NALF1: variants seen among roughly 807,000 people sequenced by gnomAD.
The protein encoded by NALF1 is NALCN channel auxiliary factor 1.
NALF1 carries 3 observed loss-of-function variants against 48.4 expected under a neutral mutation model. The observed-to-expected ratio is 0.06, with a 90% CI of 0.03 to 0.16. The LOEUF (loss-of-function observed/expected upper bound fraction) is 0.16. Ranked by LOEUF, NALF1 falls within the 10% of genes least tolerant of loss-of-function variation. NALF1 has a pLI of 1.00. For missense variants in NALF1, 526 were observed against 571.5 expected, an observed-to-expected ratio of 0.92 and a Z score of 0.81; for synonymous variants, 262 against 245.7, an observed-to-expected ratio of 1.07 and a Z score of -0.62.
intron 1 of NALF1, among the ~76,000 whole-genome samples, chr13:107,602,328 A>G (rs1374096759): frequency 6.6e-6 from 1 of 152,210 alleles, no homozygotes; most frequent in Non-Finnish European, 1.5e-5. Flanking sequence ...TAAGCTATTT[A>G]GAGAGAAAAC....
Position 107,376,476 on chromosome 13 carries a change from T to C in NALF1, c.916-165721A>G, listed in dbSNP as rs146578887. Among the ~76,000 whole-genome samples the C allele has an allele frequency of 8.1e-4, 123 of 152,312 alleles. 2 individuals carry two copies. The highest frequency in any genetic ancestry group is 2.5e-3 in the African/African-American group (105 of 41,576). On this transcript the variant is annotated intron_variant, in intron 1 of 2. Transcript: ENST00000375915. ...CCTTGGAGCAAGCTCTGGTACATAA[T>C]TGGCTCTCAACAAATGCTGAATAAA...
chr13:107,559,225 C>T (rs1166140250), intron 1 of NALF1, among the ~76,000 whole-genome samples: 1 of 152,152 alleles, frequency 6.6e-6, no homozygotes, highest in African/African-American at 2.4e-5. Context: ...GAGAAAACTT[C>T]AGGGAGTAAC....
At chr13:107,171,532 C>G (rs544149667) in intron 2 of NALF1, among the ~76,000 whole-genome samples, 16 of 152,336 alleles carry the variant, frequency 1.1e-4, no homozygotes, top group Admixed American at 6.5e-4. Flanking sequence ...CTCTTGTTCT[C>G]TCTTCACTTT....
chr13:107,389,868 A>G (rs1334414245), intron 1 of NALF1, among the ~76,000 whole-genome samples: 1 of 152,216 alleles, frequency 6.6e-6, no homozygotes, highest in African/African-American at 2.4e-5. Context: ...TTGATGTGAC[A>G]GTTACTGCAA....
At position 107,866,691 on chromosome 13, in the gene NALF1, T is replaced by A; in HGVS notation, c.-95A>T. 1.0e-6 allele frequency: 1 copy of A among 993,128 alleles called. No individual in the cohort carries two copies. The highest frequency in any genetic ancestry group is 1.5e-6 in the Non-Finnish European group (1 of 672,284). The allele number at this position is 993,128 out of a possible 1,614,324, so 61.5% of individuals were successfully genotyped here. A position where few individuals can be genotyped will look rare whatever the true frequency, so the allele number is the denominator to read the frequency against. Reference sequence around the variant, plus strand: ...ATTGACTTAAAGGGTTTAATTTCCTTATCCCCTCCTCCCGTTTCTTCTCTC... The same window carrying A: ...ATTGACTTAAAGGGTTTAATTTCCTAATCCCCTCCTCCCGTTTCTTCTCTC... On this transcript the variant is annotated 5_prime_UTR_variant, in exon 1 of 3. Transcript: ENST00000375915. This position sits in a 1 kb window ranked among gnomAD's most constrained non-coding sequence, Gnocchi z 4.4.
At chr13:107,805,108 C>T (rs1258724439) in intron 1 of NALF1, among the ~76,000 whole-genome samples, 4 of 152,032 alleles carry the variant, frequency 2.6e-5, no homozygotes, top group Non-Finnish European at 5.9e-5. Flanking sequence ...TCAAGTCAAG[C>T]AACTAAAAAC....
intron 1 of NALF1, among the ~76,000 whole-genome samples, chr13:107,510,720 G>A (rs767005946): frequency 1.1e-4 from 17 of 152,222 alleles, no homozygotes; most frequent in Non-Finnish European, 1.8e-4. Context: ...GAACAGCAAC[G>A]CCAGACAAGG....
intron 1 of NALF1, among the ~76,000 whole-genome samples, chr13:107,712,593 A>T (rs986101016): frequency 6.6e-6 from 1 of 152,252 alleles, no homozygotes. Flanking sequence ...GCAGAAAAGC[A>T]GACCCATGAA....
chr13:107,420,462 TTCTCTC>T (rs72220865), intron 1 of NALF1, among the ~76,000 whole-genome samples: 1 of 152,138 alleles, frequency 6.6e-6, no homozygotes, highest in Non-Finnish European at 1.5e-5. Context: ...AAGTCAGATT[TTCTCTC>T]TCTCTAACTG....
intron 1 of NALF1, among the ~76,000 whole-genome samples, chr13:107,288,868 A>G (rs1327691733): frequency 6.6e-6 from 1 of 152,180 alleles, no homozygotes; most frequent in Admixed American, 6.5e-5. Flanking sequence ...GAAGCAAGCA[A>G]TGATGCAGCT....
At chr13:107,842,339 G>T (rs966062123) in intron 1 of NALF1, among the ~76,000 whole-genome samples, 2 of 152,080 alleles carry the variant, frequency 1.3e-5, no homozygotes, top group East Asian at 3.9e-4. Context: ...AAGAAATAGT[G>T]TGTTTATTAC....
At chr13:107,464,516 A>AT (rs200796400) in intron 1 of NALF1, among the ~76,000 whole-genome samples, 65 of 150,706 alleles carry the variant, frequency 4.3e-4, no homozygotes, top group African/African-American at 1.1e-3. Context: ...TGCAATACAA[A>AT]TTTTTTTTTT....
chr13:107,539,056 C>G (rs1876924186), intron 1 of NALF1, among the ~76,000 whole-genome samples: 2 of 149,956 alleles, frequency 1.3e-5, no homozygotes, highest in South Asian at 4.1e-4. Context: ...TAGTAAACAA[C>G]ACACATGTGA....
intron 1 of NALF1, among the ~76,000 whole-genome samples, chr13:107,592,896 T>C (rs1048939965): frequency 1.3e-5 from 2 of 151,914 alleles, no homozygotes; most frequent in African/African-American, 4.8e-5. Context: ...ACATTCTTTA[T>C]TTCTTTTTCC....
chr13:107,831,875 A>G (rs1255339007), intron 1 of NALF1, among the ~76,000 whole-genome samples: 1 of 152,218 alleles, frequency 6.6e-6, no homozygotes, highest in Admixed American at 6.5e-5. Flanking sequence ...TCATTTGATA[A>G]TAATGCAAAA....
chr13:107,396,291 T>C (rs1457149734), intron 1 of NALF1, among the ~76,000 whole-genome samples: 1 of 152,082 alleles, frequency 6.6e-6, no homozygotes, highest in Non-Finnish European at 1.5e-5. Context: ...AACATAAAAA[T>C]GTGAGAGAAC....
chr13:107,841,065 A>G lies in NALF1; in HGVS notation c.915+24617T>C, dbSNP rs147958623. On this transcript the variant is annotated intron_variant, in intron 1 of 2. Coordinates refer to ENST00000375915, the MANE Select transcript of NALF1 (RefSeq NM_001080396.3). ...TCTTGAGGGGCAGGGGTCATCATCC[A>G]TGTATTCACTCATTTACTCAACAAA... 2.3e-3 allele frequency among the ~76,000 whole-genome samples: 353 copies of G among 152,250 alleles called. 2 individuals are homozygous for G. Among genetic ancestry groups the G allele is most frequent in the African/African-American group, 8.0e-3 (331 of 41,550 alleles).
intron 1 of NALF1, among the ~76,000 whole-genome samples, chr13:107,215,522 G>C (rs139644625): frequency 6.6e-6 from 1 of 151,548 alleles, no homozygotes; most frequent in Non-Finnish European, 1.5e-5. Context: ...TTTTTTTAAA[G>C]CTTTGGTTAT....
At chr13:107,632,385 T>C (rs1406159229) in intron 1 of NALF1, among the ~76,000 whole-genome samples, 2 of 152,168 alleles carry the variant, frequency 1.3e-5, no homozygotes, top group Non-Finnish European at 2.9e-5. Context: ...GAAGGTCCTG[T>C]CCTTGGCTGA....
Sources: allele counts gnomAD v4.1 joint callset (sites outside exome capture counted in the v4.1 genomes callset), GRCh38; gene constraint gnomAD v4.1.1; non-coding constraint Gnocchi (gnomAD v3.1); transcripts MANE v1.5; gene names NCBI Gene and HGNC (gene_info 2026-07-23, HGNC 2026-07-21).